JAK2: variants seen among roughly 807,000 people sequenced by gnomAD.
JAK2 encodes the protein Janus kinase 2.
JAK2 carries 86 observed loss-of-function variants against 139.3 expected under a neutral mutation model. The observed-to-expected ratio is 0.62, with a 90% CI of 0.52 to 0.74. The LOEUF (loss-of-function observed/expected upper bound fraction) is 0.74. Ranked by LOEUF, JAK2 falls within the 30% of genes least tolerant of loss-of-function variation. The pLI is 0.00. For synonymous variants in JAK2, 490 were observed against 437.7 expected (o/e 1.12, Z -1.49); for missense variants, 1,421 against 1,360.3 (o/e 1.04, Z -0.70).
chr9:5,080,928 C>T (rs1212777656), intron 18 of JAK2, among the ~76,000 whole-genome samples: 2 of 111,912 alleles, frequency 1.8e-5, no homozygotes, highest in African/African-American at 7.0e-5. Flanking sequence ...TGGAGTCTTA[C>T]TCTGTCGCCC....
chr9:5,116,755 G>A (rs1457084984), intron 22 of JAK2, among the ~76,000 whole-genome samples: 1 of 152,168 alleles, frequency 6.6e-6, no homozygotes, highest in African/African-American at 2.4e-5. Flanking sequence ...GAACTAAAAG[G>A]AAAAGTTTGA....
chr9:5,026,694 T>C (rs911406219), intron 3 of JAK2, among the ~76,000 whole-genome samples: 4 of 152,298 alleles, frequency 2.6e-5, no homozygotes, highest in African/African-American at 9.6e-5. Flanking sequence ...GTTCACGTGA[T>C]TGTTGTGTTT....
intron 12 of JAK2, among the ~76,000 whole-genome samples, chr9:5,071,930 A>G (rs909160668): frequency 6.6e-6 from 1 of 152,218 alleles, no homozygotes; most frequent in African/African-American, 2.4e-5. Flanking sequence ...GCTGATACTT[A>G]ATGCACATTT....
chr9:5,062,500 TAAAAAAAAAAAAA>T (rs58424625), intron 8 of JAK2, among the ~76,000 whole-genome samples: 9 of 58,248 alleles, frequency 1.5e-4, no homozygotes, highest in South Asian at 6.3e-4. Flanking sequence ...CTTCCATTTG[TAAAAAAAAAAAAA>T]AAAAAAAAAA....
chr9:5,107,216 A>G (rs887305076), intron 22 of JAK2, among the ~76,000 whole-genome samples: 2 of 152,134 alleles, frequency 1.3e-5, no homozygotes, highest in African/African-American at 4.8e-5. Flanking sequence ...AATATCTGAA[A>G]GATATTAAAT....
intron 8 of JAK2, among the ~76,000 whole-genome samples, chr9:5,063,993 T>TA (rs1232104725): frequency 3.2e-4 from 48 of 151,990 alleles, no homozygotes; most frequent in Non-Finnish European, 5.3e-4. Flanking sequence ...CTGTCTCTAC[T>TA]AAAAATACAA....
intron 10 of JAK2, 30 bp from the exon 11 acceptor site, chr9:5,068,992 C>T (rs374384053): frequency 7.6e-7 from 1 of 1,307,524 alleles, no homozygotes; most frequent in African/African-American, 1.5e-5. Context: ...GTGACTATCC[C>T]TCCCTTTCTT....
chr9:5,054,411 G>T lies in JAK2; in HGVS notation c.615-152G>T, dbSNP rs1308569696. On this transcript the variant is annotated intron_variant, in intron 6 of 24. Transcript: ENST00000381652. This position sits in a 1 kb window ranked among gnomAD's most constrained non-coding sequence, Gnocchi z 4.9. ...AAATCTTAAAGTTTTATACTGTATG[G>T]ATGGGGGTTATGTCAACTTACGCCA... The T allele has an allele frequency of 1.7e-6, 1 of 594,692 alleles. No individual in the cohort carries two copies. Among genetic ancestry groups the T allele is most frequent in the African/African-American group, 1.9e-5 (1 of 53,726 alleles). 36.8% of individuals were successfully genotyped at this position (594,692 alleles called of 1,614,324 possible).
intron 4 of JAK2, among the ~76,000 whole-genome samples, chr9:5,043,495 G>A (rs1816768746): frequency 6.6e-6 from 1 of 152,182 alleles, no homozygotes; most frequent in Non-Finnish European, 1.5e-5. Context: ...GTATATTGCT[G>A]TTGGGAATGT....
intron 4 of JAK2, among the ~76,000 whole-genome samples, chr9:5,030,901 G>T (rs146877879): frequency 6.6e-6 from 1 of 152,032 alleles, no homozygotes; most frequent in African/African-American, 2.4e-5. Context: ...AAAAATAAAT[G>T]TTCAAAGAAA....
intron 19 of JAK2, chr9:5,085,237 G>C (rs1235269972): frequency 1.5e-5 from 10 of 671,854 alleles, no homozygotes; most frequent in Non-Finnish European, 2.6e-5. Flanking sequence ...AAATAGGACA[G>C]GACCAGTGGC....
chr9:5,025,274 A>C (rs992699927), intron 3 of JAK2, among the ~76,000 whole-genome samples: 4 of 152,084 alleles, frequency 2.6e-5, no homozygotes, highest in Non-Finnish European at 4.4e-5. Flanking sequence ...TGGTGAGATT[A>C]CCCTTGGTAT....
intron 5 of JAK2, among the ~76,000 whole-genome samples, chr9:5,048,543 A>C (rs887278796): frequency 6.6e-6 from 1 of 152,170 alleles, no homozygotes. Flanking sequence ...GCCTGTTCTC[A>C]AAAGTGTGGT....
intron 4 of JAK2, among the ~76,000 whole-genome samples, chr9:5,033,366 T>G (rs1038372068): frequency 6.6e-6 from 1 of 152,138 alleles, no homozygotes. Context: ...CAGGCAAACA[T>G]TCAAATTCAG....
At chr9:5,106,532 C>T (rs927567851) in intron 22 of JAK2, among the ~76,000 whole-genome samples, 1 of 152,130 alleles carries the variant, frequency 6.6e-6, no homozygotes, top group African/African-American at 2.4e-5. Context: ...CCATTTGACC[C>T]AGCCATCCCA....
intron 12 of JAK2, among the ~76,000 whole-genome samples, chr9:5,070,354 A>C (rs940676806): frequency 6.6e-6 from 1 of 152,094 alleles, no homozygotes; most frequent in African/African-American, 2.4e-5. Flanking sequence ...CAAGTTCTCA[A>C]GAAAGTAAGG....
chr9:4,996,928 C>CT (rs1166992356), intron 2 of JAK2, among the ~76,000 whole-genome samples: 961 of 94,656 alleles, frequency 0.01, 10 homozygotes, highest in Non-Finnish European at 0.012. Flanking sequence ...TTAGTTTGTT[C>CT]TTTTTTTTTT....
intron 2 of JAK2, among the ~76,000 whole-genome samples, chr9:5,014,162 TTC>T (rs1426780049): frequency 7.3e-5 from 11 of 150,988 alleles, no homozygotes; most frequent in Middle Eastern, 7.1e-3. Flanking sequence ...TATTTACTCT[TTC>T]TTTTTTTTTT....
Position 5,090,726 on chromosome 9 carries a change from G to A in JAK2, c.2887-13G>A. 1 of 1,575,140 alleles carries A rather than the reference G, an allele frequency of 6.3e-7. No homozygotes were observed. Among genetic ancestry groups the A allele is most frequent in the Non-Finnish European group, 8.6e-7 (1 of 1,167,116 alleles). On this transcript the variant is annotated splice_polypyrimidine_tract_variant and intron_variant, in intron 21 of 24. Transcript: ENST00000381652. ...TTATAAAACTAGCTGAAAGAAAAAT[G>A]TTTTATCCATAGGGTATGGAGTATC...
Sources: allele counts gnomAD v4.1 joint callset (sites outside exome capture counted in the v4.1 genomes callset), GRCh38; gene constraint gnomAD v4.1.1; non-coding constraint Gnocchi (gnomAD v3.1); transcripts MANE v1.5; gene names NCBI Gene and HGNC (gene_info 2026-07-23, HGNC 2026-07-21).